Variants in XKR9 observed in about 807,000 individuals in gnomAD.
XKR9 encodes XK related 9.
XKR9 carries 32 observed loss-of-function variants against 32.0 expected under a neutral mutation model. The observed-to-expected ratio is 1.00, with a 90% CI of 0.76 to 1.34. The LOEUF (loss-of-function observed/expected upper bound fraction) is 1.34, where lower values mean the gene tolerates loss of function less well. Among genes scored for constraint, XKR9 ranks in the 40% most tolerant of loss-of-function variants. The pLI is 0.00. For synonymous variants in XKR9, 168 were observed against 143.4 expected, an observed-to-expected ratio of 1.17 and a Z score of -1.22; for missense variants, 546 against 429.7, an observed-to-expected ratio of 1.27 and a Z score of -2.39.
chr8:71,057,910 C>A, the XKR9 span, among the ~76,000 whole-genome samples: 1 of 152,108 alleles, frequency 6.6e-6, no homozygotes, highest in Admixed American at 6.6e-5. Context: ...TGGGGCCATG[C>A]GCGGTGGCTT....
chr8:70,714,453 TTGGC>T (rs1198419133), intron 4 of XKR9, among the ~76,000 whole-genome samples: 1 of 130,856 alleles, frequency 7.6e-6, no homozygotes, highest in Non-Finnish European at 1.8e-5. Flanking sequence ...TACTCTCTGA[TTGGC>T]TCTAGATTTG....
intron 2 of XKR9, among the ~76,000 whole-genome samples, chr8:70,747,720 A>G (rs1418070327): frequency 6.6e-6 from 1 of 152,218 alleles, no homozygotes; most frequent in Non-Finnish European, 1.5e-5. Flanking sequence ...TACCTTTCTG[A>G]GTAGCCTTAA....
chr8:70,753,221 G>T (rs973597746), intron 2 of XKR9, among the ~76,000 whole-genome samples: 2 of 152,182 alleles, frequency 1.3e-5, no homozygotes, highest in African/African-American at 4.8e-5. Flanking sequence ...CCAGGAAGAA[G>T]TTGAATCTCT....
At chr8:70,708,581 C>T (rs1805803881) in intron 4 of XKR9, among the ~76,000 whole-genome samples, 1 of 151,912 alleles carries the variant, frequency 6.6e-6, no homozygotes, top group Non-Finnish European at 1.5e-5. Context: ...AGGCAAAACA[C>T]AGTTTATAGA....
At chr8:71,005,582 A>G in the XKR9 span, among the ~76,000 whole-genome samples, 1 of 152,202 alleles carries the variant, frequency 6.6e-6, no homozygotes, top group African/African-American at 2.4e-5. Flanking sequence ...GTCATGGTTT[A>G]TGATTTCATG....
chr8:70,803,399 G>C, the XKR9 span, among the ~76,000 whole-genome samples: 2 of 152,090 alleles, frequency 1.3e-5, no homozygotes, highest in Non-Finnish European at 2.9e-5. Context: ...CCTAAGTGTT[G>C]ATGACCTTCA....
intron 3 of XKR9, among the ~76,000 whole-genome samples, chr8:70,704,620 A>T (rs1563435699): frequency 6.6e-6 from 1 of 152,184 alleles, no homozygotes; most frequent in South Asian, 2.1e-4. Flanking sequence ...AGAGTCTTGC[A>T]TTCTTAACTA....
the XKR9 span, among the ~76,000 whole-genome samples, chr8:70,811,719 CA>C: frequency 6.6e-6 from 1 of 152,144 alleles, no homozygotes; most frequent in Non-Finnish European, 1.5e-5. Flanking sequence ...TCAACACATA[CA>C]CACTCCCAAG....
chr8:71,039,784 G>C, the XKR9 span, among the ~76,000 whole-genome samples: 1 of 152,056 alleles, frequency 6.6e-6, no homozygotes, highest in Admixed American at 6.6e-5. Context: ...TAGTTGCCTG[G>C]GAGTGGGGAA....
the XKR9 span, among the ~76,000 whole-genome samples, chr8:70,982,945 C>T: frequency 1.3e-5 from 2 of 152,174 alleles, no homozygotes; most frequent in African/African-American, 2.4e-5. Flanking sequence ...CAATATAATT[C>T]TGTGTTCACA....
At chr8:70,988,430 T>G in the XKR9 span, among the ~76,000 whole-genome samples, 2 of 151,986 alleles carry the variant, frequency 1.3e-5, no homozygotes, top group Non-Finnish European at 2.9e-5. Flanking sequence ...AACTTCTCCT[T>G]GGATTGAATG....
the XKR9 span, among the ~76,000 whole-genome samples, chr8:71,035,553 G>A: frequency 6.6e-6 from 1 of 152,318 alleles, no homozygotes; most frequent in South Asian, 2.1e-4. Flanking sequence ...AATTGCTGTA[G>A]CATCTACTAT....
chr8:70,971,760 C>G, the XKR9 span, among the ~76,000 whole-genome samples: 4 of 151,612 alleles, frequency 2.6e-5, no homozygotes, highest in African/African-American at 7.3e-5. Flanking sequence ...TGTCAAAAAT[C>G]AGTTGGGTGT....
intron 3 of XKR9, among the ~76,000 whole-genome samples, chr8:70,688,708 G>C (rs993597677): frequency 7.1e-6 from 1 of 140,622 alleles, no homozygotes; most frequent in African/African-American, 2.5e-5. Context: ...TAGCCACTGT[G>C]CCTGTCCTTT....
chr8:70,758,625 T>C (rs1304758151), intron 2 of XKR9, among the ~76,000 whole-genome samples: 4 of 152,200 alleles, frequency 2.6e-5, no homozygotes, highest in Admixed American at 6.5e-5. Context: ...TTCAGTTCTT[T>C]CTAAACATTG....
chr8:70,880,574 A>C, the XKR9 span, among the ~76,000 whole-genome samples: 1 of 152,232 alleles, frequency 6.6e-6, no homozygotes, highest in African/African-American at 2.4e-5. Context: ...AGGAATGTGA[A>C]GGACCTCTTC....
At chr8:70,879,269 A>C in the XKR9 span, among the ~76,000 whole-genome samples, 1 of 152,104 alleles carries the variant, frequency 6.6e-6, no homozygotes, top group African/African-American at 2.4e-5. Context: ...GAGCAAACAA[A>C]CTCAAAAGCT....
the XKR9 span, among the ~76,000 whole-genome samples, chr8:70,816,236 C>T: frequency 6.6e-6 from 1 of 152,142 alleles, no homozygotes; most frequent in Non-Finnish European, 1.5e-5. Flanking sequence ...CAAGCACATA[C>T]ACGATTGAAA....
the XKR9 span, among the ~76,000 whole-genome samples, chr8:70,983,259 T>A: frequency 3.3e-5 from 5 of 152,214 alleles, no homozygotes; most frequent in African/African-American, 1.2e-4. Flanking sequence ...TGACTATTCC[T>A]ATTTGTTCTT....
Sources: gnomAD v4.1 joint callset for allele counts (sites outside exome capture counted in the v4.1 genomes callset) on GRCh38, gnomAD v4.1.1 for gene constraint, MANE v1.5 for transcripts, NCBI Gene and HGNC (gene_info 2026-07-23, HGNC 2026-07-21) for gene names.